CHMP7: variants seen among roughly 807,000 people sequenced by gnomAD.
The protein encoded by CHMP7 is charged multivesicular body protein 7, also known as CHMP family, member 7.
Under a neutral mutation model 53.7 loss-of-function variants are expected in CHMP7, and 15 were observed. The ratio of observed to expected loss-of-function variants is 0.28; its 90% confidence interval spans 0.19 to 0.43. The LOEUF is 0.43. Among genes scored for constraint, CHMP7 ranks in the 20% least tolerant of loss-of-function variants. The pLI is 1.00. For missense variants in CHMP7, 527 were observed against 569.4 expected, an observed-to-expected ratio of 0.93 and a Z score of 0.76; for synonymous variants, 261 against 228.0, an observed-to-expected ratio of 1.14 and a Z score of -1.30.
rs184292956 is a variant in CHMP7 at position 23,261,877 on chromosome 8, C to G, written c.*1278C>G. The G allele has an allele frequency of 1.3e-5, 2 of 152,628 alleles. 1 individual carries two copies. The highest frequency in any genetic ancestry group is 4.1e-4 in the South Asian group (2 of 4,834). The allele number at this position is 152,628 out of a possible 1,614,324, so 9.5% of individuals were successfully genotyped here. A position where few individuals can be genotyped will look rare whatever the true frequency, so the allele number is the denominator to read the frequency against. On this transcript the variant is annotated 3_prime_UTR_variant, in exon 11 of 11. Coordinates refer to ENST00000397677, the MANE Select transcript of CHMP7 (RefSeq NM_152272.5). The stretch of plus-strand genomic sequence containing the variant: ...TTTGCTCCAGGCCAGGAGCACAAAT[C>G]GTTGTTCAATGAATTTCTCTCCAAC...
intron 5 of CHMP7, 97 bp downstream of exon 5, chr8:23,256,690 G>GTTTTTT (rs67393714): frequency 3.1e-4 from 182 of 588,882 alleles, no homozygotes; most frequent in Middle Eastern, 8.4e-4. Flanking sequence ...AAATAGGTGG[G>GTTTTTT]TTTTTTTTTT....
chr8:23,258,460 C>G lies in CHMP7; in HGVS notation c.960+11C>G. 2 of 1,613,842 alleles carry G rather than the reference C, an allele frequency of 1.2e-6. No individual in the cohort carries two copies. The highest frequency in any genetic ancestry group is 1.3e-5 in the African/African-American group (1 of 75,020). On this transcript the variant is annotated intron_variant, in intron 7 of 10. Coordinates refer to ENST00000397677, the MANE Select transcript of CHMP7 (RefSeq NM_152272.5). ...CAGACAGATCAGATGGTAGTCACTC[C>G]CCTCTACTCCAGCACTTGGCTGGTC...
chr8:23,254,381 T>C lies in CHMP7; in HGVS notation c.472-866T>C, dbSNP rs146627671. 2.5e-3 allele frequency among the ~76,000 whole-genome samples: 385 copies of C among 152,246 alleles called. 1 individual carries two copies. Among genetic ancestry groups the C allele is most frequent in the Non-Finnish European group, 4.4e-3 (298 of 68,016 alleles). ...ATCCCATCTGTTTATTATGTACTTT[T>C]CTTTGTTTTTTGTTTTGTTTTGTTC... On this transcript the variant is annotated intron_variant, in intron 3 of 10. Coordinates refer to ENST00000397677, the MANE Select transcript of CHMP7 (RefSeq NM_152272.5).
chr8:23,256,689 G>GTTTTT, intron 5 of CHMP7, 96 bp downstream of exon 5: 3 of 697,526 alleles, frequency 4.3e-6, no homozygotes, highest in Non-Finnish European at 4.3e-6. Context: ...AAAATAGGTG[G>GTTTTT]GTTTTTTTTT....
At chr8:23,256,751 G>C in intron 5 of CHMP7, 158 bp downstream of exon 5, 3 of 336,984 alleles carry the variant, frequency 8.9e-6, no homozygotes, top group Non-Finnish European at 1.1e-5. Context: ...ATCATGGAAA[G>C]CACAGAATAT....
At chr8:23,252,585 G>C (rs1801976399) in intron 3 of CHMP7, 1 of 152,162 alleles carries the variant, frequency 6.6e-6, no homozygotes, top group Non-Finnish European at 1.5e-5. Context: ...TTCTCAGTCT[G>C]TTGCTTGCTT....
At chr8:23,248,351 T>C (rs1253683225) in intron 2 of CHMP7, among the ~76,000 whole-genome samples, 2 of 152,160 alleles carry the variant, frequency 1.3e-5, no homozygotes, top group Admixed American at 1.3e-4. Flanking sequence ...GGTGCTTGCC[T>C]GGGTCCTGAA....
intron 2 of CHMP7, among the ~76,000 whole-genome samples, chr8:23,247,407 G>A (rs1046639593): frequency 3.3e-5 from 5 of 152,206 alleles, no homozygotes; most frequent in Non-Finnish European, 5.9e-5. Flanking sequence ...GCGGGCATTC[G>A]TGGGGAAGAG....
chr8:23,248,092 G>A (rs1479969687), intron 2 of CHMP7: 4 of 456,110 alleles, frequency 8.8e-6, no homozygotes, highest in South Asian at 3.1e-5. Context: ...GATTACAGGC[G>A]TTGAGCCACT....
intron 2 of CHMP7, 97 bp downstream of exon 2, chr8:23,247,091 C>T (rs932013754): frequency 7.2e-6 from 9 of 1,246,150 alleles, no homozygotes; most frequent in African/African-American, 6.3e-5. Context: ...GCACTGCGCC[C>T]AGCCCAGTGT....
intron 3 of CHMP7, among the ~76,000 whole-genome samples, chr8:23,251,200 G>A (rs903716499): frequency 6.6e-6 from 1 of 152,158 alleles, no homozygotes; most frequent in Admixed American, 6.5e-5. Context: ...AAAGCCTGCT[G>A]TTGAGGTAAA....
rs892662813 is a variant in CHMP7, at chr8:23,247,004, G to A, written c.299+10G>A. ...TGCAGGACCTGCTGCGGTGAGGGGCGGGCTGGGGCCAGGGCCGCGAGGGCG... is the reference window on the plus strand; with the variant it reads ...TGCAGGACCTGCTGCGGTGAGGGGCAGGCTGGGGCCAGGGCCGCGAGGGCG... On this transcript the variant is annotated intron_variant, in intron 2 of 10. Coordinates refer to ENST00000397677, the MANE Select transcript of CHMP7 (RefSeq NM_152272.5). 2 of 1,516,254 alleles carry A rather than the reference G, an allele frequency of 1.3e-6. No homozygotes were observed. The highest frequency in any genetic ancestry group is 1.8e-6 in the Non-Finnish European group (2 of 1,137,004). 93.9% of individuals were successfully genotyped at this position (1,516,254 alleles called of 1,614,324 possible).
chr8:23,256,686 GT>G, intron 5 of CHMP7, 93 bp downstream of exon 5: 1 of 955,358 alleles, frequency 1.0e-6, no homozygotes, highest in Non-Finnish European at 1.5e-6. Flanking sequence ...TAAAAAATAG[GT>G]GGGTTTTTTT....
rs769042906 is a variant in CHMP7 at position 23,255,294 on chromosome 8, C to T, written c.519C>T (p.Ser173=). ...GTCTGTATCAGAACTCGCCCCTCTC[C>T]TCCCACCCCGTGGTGGCCCTGTCAG... The part of the protein sequence containing the change: ...VYRLYQNSPL[S]SHPVVALSEL... The change falls in exon 4 of 11, where the codon TCC becomes TCT. Residue 173 remains serine, a synonymous_variant. Transcript: ENST00000397677. The T allele has an allele frequency of 5.6e-6, 9 of 1,614,212 alleles. No individual in the cohort carries two copies. Among genetic ancestry groups the T allele is most frequent in the East Asian group, 2.2e-5 (1 of 44,874 alleles).
chr8:23,256,930 C>T (rs1330909279), intron 5 of CHMP7, among the ~76,000 whole-genome samples: 2 of 151,226 alleles, frequency 1.3e-5, no homozygotes, highest in East Asian at 2.0e-4. Context: ...GTAGCTGGTA[C>T]TACAGCCACC....
chr8:23,256,475 C>T lies in CHMP7; in HGVS notation c.673C>T (p.Arg225Ter). The T allele has an allele frequency of 2.5e-6, 4 of 1,605,194 alleles. No individual in the cohort carries two copies. Among genetic ancestry groups the T allele is most frequent in the Non-Finnish European group, 2.6e-6 (3 of 1,171,896 alleles). The change falls in exon 5 of 11, where the codon CGA becomes TGA. Residue 225 changes from arginine to a stop codon, truncating the protein, a stop_gained. Coordinates refer to ENST00000397677, the MANE Select transcript of CHMP7 (RefSeq NM_152272.5). LOFTEE classifies it high-confidence loss of function. ...QNGEKIVKFA[R>*]GPRAKVSPVN... is the part of the protein sequence containing the mutation. Reference sequence around the variant, plus strand: ...TGTCCCTCAGATTGTGAAGTTTGCCCGAGGGCCACGTGCCAAGGTCTCTCC... The same window carrying T: ...TGTCCCTCAGATTGTGAAGTTTGCCTGAGGGCCACGTGCCAAGGTCTCTCC...
In CHMP7 at chr8:23,261,766, C is replaced by T. The variant is rs1802405214; in HGVS notation, c.*1167C>T. On this transcript the variant is annotated 3_prime_UTR_variant, in exon 11 of 11. Transcript: ENST00000397677. ...AGAAGAAGCGATCGCCACACTGCCACTCTGCTGCCCAGCCACCAGGATTTC... is the reference window on the plus strand; with the variant it reads ...AGAAGAAGCGATCGCCACACTGCCATTCTGCTGCCCAGCCACCAGGATTTC... 6.5e-6 allele frequency: 1 copy of T among 152,812 alleles called. No homozygotes were observed. The highest frequency in any genetic ancestry group is 2.1e-4 in the South Asian group (1 of 4,826). The allele number at this position is 152,812 out of a possible 1,614,324, so 9.5% of individuals were successfully genotyped here.
chr8:23,252,001 G>A (rs988039429), intron 3 of CHMP7, among the ~76,000 whole-genome samples: 6 of 151,796 alleles, frequency 4.0e-5, no homozygotes, highest in African/African-American at 1.2e-4. Context: ...ACTGTATTAG[G>A]GAGTCCAGTC....
chr8:23,248,984 T>C (rs1801816729), intron 2 of CHMP7, among the ~76,000 whole-genome samples: 1 of 152,236 alleles, frequency 6.6e-6, no homozygotes. Context: ...CCCTCAGTTT[T>C]CTCATTCGTT....
Sources: gnomAD v4.1 joint callset for allele counts (sites outside exome capture counted in the v4.1 genomes callset) on GRCh38, gnomAD v4.1.1 for gene constraint, MANE v1.5 for transcripts, NCBI Gene and HGNC (gene_info 2026-07-23, HGNC 2026-07-21) for gene names.